The following GDPD3 variants were observed in gnomAD, a reference collection of about 807,000 sequenced individuals.
The protein encoded by GDPD3 is glycerophosphodiester phosphodiesterase domain containing 3.
GDPD3 carries 40 observed loss-of-function variants against 43.7 expected under a neutral mutation model. The observed-to-expected ratio is 0.91, with a 90% CI of 0.71 to 1.19. The LOEUF (loss-of-function observed/expected upper bound fraction) is 1.19, where lower values mean the gene tolerates loss of function less well. Ranked by LOEUF, GDPD3 falls within the 50% of genes most tolerant of loss-of-function variation. The probability of loss-of-function intolerance (pLI) is 0.00; values close to 1 mark genes in which losing one functional copy is unlikely to be tolerated. For missense variants in GDPD3, 363 were observed against 415.8 expected (o/e 0.87, Z 1.11); for synonymous variants, 145 against 162.9 (o/e 0.89, Z 0.84).
rs371568180 is a variant in GDPD3, at chr16:30,112,512, C to T, written c.364+11G>A. Reference sequence around the variant, plus strand: ...CATGGCCCAGGCAGGGCTCGAAGCCCTTGCTCTCACCTGGAGAGAAGTAAA... The same window carrying T: ...CATGGCCCAGGCAGGGCTCGAAGCCTTTGCTCTCACCTGGAGAGAAGTAAA... On this transcript the variant is annotated intron_variant, in intron 4 of 9. Transcript: ENST00000406256. This position sits in a 1 kb window ranked among gnomAD's most constrained non-coding sequence, Gnocchi z 5.4. 6.2e-7 allele frequency: 1 copy of T among 1,614,034 alleles called. No homozygotes were observed.
intron 7 of GDPD3, among the ~76,000 whole-genome samples, chr16:30,109,862 T>C (rs1246806869): frequency 6.6e-6 from 1 of 152,092 alleles, no homozygotes; most frequent in Non-Finnish European, 1.5e-5. Context: ...ACTGTGCCCA[T>C]TGGCCAGCTT....
rs61764619 is a variant in GDPD3 at position 30,112,743 on chromosome 16, C to T, written c.233G>A (p.Arg78Gln). The change falls in exon 3 of 10, where the codon CGG becomes CAG. Residue 78 changes from arginine to glutamine, a missense_variant. Physicochemically the swap from Arg to Gln is conservative, Grantham distance 43. Coordinates refer to ENST00000406256, the MANE Select transcript of GDPD3 (RefSeq NM_024307.3). The surrounding 1 kb of genome is among the most constrained non-coding windows in gnomAD (Gnocchi z 5.4). Reference sequence around the variant, plus strand: ...ATGTGACACCACCACCACTCTGTCCCGTGTCAGCTGACAGTCGAGCTCCAG... The same window carrying T: ...ATGTGACACCACCACCACTCTGTCCTGTGTCAGCTGACAGTCGAGCTCCAG... ...DLLELDCQLT[R>Q]DRVVVVSHDE... 48 of 1,613,092 alleles carry T rather than the reference C, an allele frequency of 3.0e-5. No homozygotes were observed. Among genetic ancestry groups the T allele is most frequent in the Non-Finnish European group, 3.7e-5 (44 of 1,179,956 alleles).
intron 6 of GDPD3, chr16:30,111,739 C>T: frequency 1.8e-6 from 1 of 566,406 alleles, no homozygotes; most frequent in South Asian, 2.1e-5. Context: ...TCAAGACCAG[C>T]CTGGCTAACA....
chr16:30,105,085 A>T (rs887498150), intron 9 of GDPD3, 76 bp from the exon 10 acceptor site: 2 of 1,230,294 alleles, frequency 1.6e-6, no homozygotes, highest in Non-Finnish European at 1.2e-6. Context: ...CTCCTCCTCT[A>T]TGGAGACTCC....
In GDPD3 at chr16:30,111,443, A is replaced by G; in HGVS notation, c.652T>C (p.Phe218Leu). The G allele has an allele frequency of 6.2e-7, 1 of 1,613,990 alleles. No homozygotes were observed. The highest frequency in any genetic ancestry group is 8.5e-7 in the Non-Finnish European group (1 of 1,179,934). ...LLSYYLGLLP[F>L]IPIPEKFFFC... Reference sequence around the variant, plus strand: ...AAGAACTTCTCAGGGATTGGGATGAAGGGCAGCAGCCCCAGGTAGTAGGAA... The same window carrying G: ...AAGAACTTCTCAGGGATTGGGATGAGGGGCAGCAGCCCCAGGTAGTAGGAA... The change falls in exon 7 of 10, where the codon TTC (phenylalanine) becomes CTC (leucine). Residue 218 changes from phenylalanine (F) to leucine (L), a missense_variant. Coordinates refer to ENST00000406256, the MANE Select transcript of GDPD3 (RefSeq NM_024307.3).
chr16:30,108,217 A>T lies in GDPD3; in HGVS notation c.815T>A (p.Val272Glu). The change falls in exon 9 of 10, where the codon GTG becomes GAG. Residue 272 changes from valine (V) to glutamate (E), a missense_variant. Val to Glu is a moderately radical substitution (Grantham distance 121). Transcript: ENST00000406256. Reference sequence around the variant, plus strand: ...AAGTGGTGGTCACGGCCTCACCTGCACCCCTCGCTCCTCCAAGTGTCGGAT... The same window carrying T: ...AAGTGGTGGTCACGGCCTCACCTGCTCCCCTCGCTCCTCCAAGTGTCGGAT... ...SLIRHLEERGVQVVFWCLNEE... is the reference protein window; with the variant it reads ...SLIRHLEERGEQVVFWCLNEE... 2 of 1,598,986 alleles carry T rather than the reference A, an allele frequency of 1.3e-6. No homozygotes were observed. The highest frequency in any genetic ancestry group is 1.7e-6 in the Non-Finnish European group (2 of 1,171,362).
rs139302544 is a variant in GDPD3, at chr16:30,112,345, G to A, written c.444C>T (p.Ser148=). 2.6e-4 allele frequency: 413 copies of A among 1,614,002 alleles called. No homozygotes were observed. The highest frequency in any genetic ancestry group is 3.3e-4 in the Non-Finnish European group (385 of 1,180,014). ...CTTCGTTCTTCCCTTTGATCTCTAC[G>A]CTCATGGGTGTCCTTGGAAACCTCT... is the stretch of plus-strand genomic sequence containing the variant. ...LFQRFPRTPM[S]VEIKGKNEEL... Residue 148 remains serine, a synonymous_variant, in exon 5 of 10, where the codon AGC becomes AGT. Coordinates refer to ENST00000406256, the MANE Select transcript of GDPD3 (RefSeq NM_024307.3). This position sits in a 1 kb window ranked among gnomAD's most constrained non-coding sequence, Gnocchi z 5.4.
rs1033258564 is a variant in GDPD3, at chr16:30,112,581, G to C, written c.319-13C>G. 1.9e-6 allele frequency: 3 copies of C among 1,614,046 alleles called. No homozygotes were observed. The highest frequency in any genetic ancestry group is 1.7e-6 in the Non-Finnish European group (2 of 1,180,002). On this transcript the variant is annotated splice_polypyrimidine_tract_variant and intron_variant, in intron 3 of 9. Coordinates refer to ENST00000406256, the MANE Select transcript of GDPD3 (RefSeq NM_024307.3). This position sits in a 1 kb window ranked among gnomAD's most constrained non-coding sequence, Gnocchi z 5.4. The stretch of plus-strand genomic sequence containing the variant: ...AGAGGGGCAGGTCCTGGGGAGGACA[G>C]GAAGGATGTCACTAGAGGCCCGCAT...
rs769351481 is a variant in GDPD3, at chr16:30,112,203, G to A, written c.502C>T (p.Arg168Cys). 1.1e-5 allele frequency: 17 copies of A among 1,613,932 alleles called. No homozygotes were observed. Among genetic ancestry groups the A allele is most frequent in the East Asian group, 4.5e-5 (2 of 44,896 alleles). ...LIREIAGLVR[R>C]YDRNEITIWA... Reference sequence around the variant, plus strand: ...ATGGTGATTTCATTACGGTCATAGCGTCTCACCAAGCCTGCTATCTGGGAG... The same window carrying A: ...ATGGTGATTTCATTACGGTCATAGCATCTCACCAAGCCTGCTATCTGGGAG... The change falls in exon 6 of 10, where the codon CGC (arginine) becomes TGC (cysteine). Residue 168 changes from arginine to cysteine, a missense_variant. By Grantham distance (180) the Arg-to-Cys change is radical (BLOSUM62 -3). Transcript: ENST00000406256. The surrounding 1 kb of genome is among the most constrained non-coding windows in gnomAD (Gnocchi z 5.4).
chr16:30,104,848 C>T lies in GDPD3; in HGVS notation c.*24G>A. The T allele has an allele frequency of 6.2e-7, 1 of 1,609,642 alleles. No homozygotes were observed. The highest frequency in any genetic ancestry group is 8.5e-7 in the Non-Finnish European group (1 of 1,178,424). ...AATATTTATTTTTCAGGAAGAGAAA[C>T]AGGAGACCTCGAGGCTTCTGGACTT... On this transcript the variant is annotated 3_prime_UTR_variant, in exon 10 of 10. Coordinates refer to ENST00000406256, the MANE Select transcript of GDPD3 (RefSeq NM_024307.3).
intron 9 of GDPD3, among the ~76,000 whole-genome samples, chr16:30,106,347 A>C (rs1242215511): frequency 1.3e-5 from 2 of 152,102 alleles, no homozygotes; most frequent in East Asian, 3.9e-4. Flanking sequence ...GGAGTATTTA[A>C]ACCAGGAAAA....
chr16:30,111,517 G>A lies in GDPD3; in HGVS notation c.578C>T (p.Pro193Leu). Reference sequence around the variant, plus strand: ...TATTGTGAAGGACAGGGGCATCTCGGGGTTCTGGGGAGGCAAGGAGAGGCA... The same window carrying A: ...TATTGTGAAGGACAGGGGCATCTCGAGGTTCTGGGGAGGCAAGGAGAGGCA... Reference protein sequence around the residue: ...SVMKKCKAANPEMPLSFTISR... With the variant: ...SVMKKCKAANLEMPLSFTISR... The change falls in exon 7 of 10, where the codon CCC becomes CTC. Residue 193 changes from proline to leucine, a missense_variant. Coordinates refer to ENST00000406256, the MANE Select transcript of GDPD3 (RefSeq NM_024307.3). The A allele has an allele frequency of 6.2e-7, 1 of 1,613,904 alleles. No homozygotes were observed. The highest frequency in any genetic ancestry group is 1.1e-5 in the South Asian group (1 of 91,078).
Position 30,112,382 on chromosome 16 carries a change from T to G in GDPD3, c.407A>C (p.Glu136Ala). 1 of 1,614,124 alleles carries G rather than the reference T, an allele frequency of 6.2e-7. No individual in the cohort carries two copies. Among genetic ancestry groups the G allele is most frequent in the East Asian group, 2.2e-5 (1 of 44,886 alleles). ...CCTTGGAAACCTCTGGAACAGGTCC[T>G]CCAGACGAACCATGCGCCGGTCTGA... ...HGSDRRMVRLEDLFQRFPRTP... is the reference protein window; with the variant it reads ...HGSDRRMVRLADLFQRFPRTP... The change falls in exon 5 of 10, where the codon GAG becomes GCG. Residue 136 changes from glutamate (E) to alanine (A), a missense_variant. Coordinates refer to ENST00000406256, the MANE Select transcript of GDPD3 (RefSeq NM_024307.3). This position sits in a 1 kb window ranked among gnomAD's most constrained non-coding sequence, Gnocchi z 5.4.
intron 9 of GDPD3, among the ~76,000 whole-genome samples, chr16:30,106,932 C>G (rs11863404): frequency 0.02 from 3,009 of 152,274 alleles, 100 homozygotes; most frequent in African/African-American, 0.069. Context: ...TGGTCTCGAA[C>G]TCCTGACCTT....
chr16:30,113,514 C>T lies in GDPD3; in HGVS notation c.-36G>A. The T allele has an allele frequency of 6.6e-7, 1 of 1,510,190 alleles. No individual in the cohort carries two copies. Among genetic ancestry groups the T allele is most frequent in the Non-Finnish European group, 8.9e-7 (1 of 1,121,082 alleles). 93.5% of individuals were successfully genotyped at this position (1,510,190 alleles called of 1,614,324 possible). A position where few individuals can be genotyped will look rare whatever the true frequency, so the allele number is the denominator to read the frequency against. ...CCACAGAAGCTCCTGCAGCCACACG[C>T]TCAGCCGTCCGCGGGACTGTGCTGC... On this transcript the variant is annotated 5_prime_UTR_variant, in exon 1 of 10. Coordinates refer to ENST00000406256, the MANE Select transcript of GDPD3 (RefSeq NM_024307.3). The surrounding 1 kb of genome is among the most constrained non-coding windows in gnomAD (Gnocchi z 5.9).
rs754317343 is a variant in GDPD3 at position 30,104,850 on chromosome 16, G to A, written c.*22C>T. On this transcript the variant is annotated 3_prime_UTR_variant, in exon 10 of 10. Transcript: ENST00000406256. ...TATTTATTTTTCAGGAAGAGAAACA[G>A]GAGACCTCGAGGCTTCTGGACTTAG... 1 of 1,609,964 alleles carries A rather than the reference G, an allele frequency of 6.2e-7. No individual in the cohort carries two copies. The highest frequency in any genetic ancestry group is 8.5e-7 in the Non-Finnish European group (1 of 1,178,548).
At position 30,112,008 on chromosome 16, in the gene GDPD3, G is replaced by A. The variant is rs911594394; in HGVS notation, c.573+124C>T. On this transcript the variant is annotated intron_variant, in intron 6 of 9. Coordinates refer to ENST00000406256, the MANE Select transcript of GDPD3 (RefSeq NM_024307.3). The surrounding 1 kb of genome is among the most constrained non-coding windows in gnomAD (Gnocchi z 5.4). ...AGTTCACACCCTTTTCATTGCCACC[G>A]CCACGCCACTGGGAACTCTCCCAGA... is the stretch of plus-strand genomic sequence containing the variant. 1.4e-5 allele frequency: 10 copies of A among 695,792 alleles called. No homozygotes were observed. The highest frequency in any genetic ancestry group is 8.4e-5 in the South Asian group (5 of 59,452). The allele number at this position is 695,792 out of a possible 1,614,324, so 43.1% of individuals were successfully genotyped here.
At chr16:30,108,503 T>C in intron 7 of GDPD3, 71 bp from the exon 8 acceptor site, 1 of 1,406,114 alleles carries the variant, frequency 7.1e-7, no homozygotes, top group Non-Finnish European at 1.0e-6. Flanking sequence ...GGGCTGGTAG[T>C]GCCCCCGCCA....
At position 30,112,253 on chromosome 16, in the gene GDPD3, C is replaced by T; in HGVS notation, c.484-32G>A. On this transcript the variant is annotated intron_variant, in intron 5 of 9. Transcript: ENST00000406256. The surrounding 1 kb of genome is among the most constrained non-coding windows in gnomAD (Gnocchi z 5.4). The stretch of plus-strand genomic sequence containing the variant: ...GGAGGAGAAGGAGGTGAAGGGAGAG[C>T]CAGGCCTCTCTCACGCCCCCGGTGG... 2 of 1,611,708 alleles carry T rather than the reference C, an allele frequency of 1.2e-6. No homozygotes were observed. The highest frequency in any genetic ancestry group is 4.5e-5 in the East Asian group (2 of 44,864).
Sources: gnomAD v4.1 joint callset for allele counts (sites outside exome capture counted in the v4.1 genomes callset) on GRCh38, gnomAD v4.1.1 for gene constraint, Gnocchi (gnomAD v3.1) non-coding constraint, MANE v1.5 for transcripts, NCBI Gene and HGNC (gene_info 2026-07-23, HGNC 2026-07-21) for gene names.